The following CREBBP variants were observed in gnomAD, a reference collection of about 807,000 sequenced individuals.
CREBBP encodes the protein CREB binding lysine acetyltransferase.
CREBBP carries 19 observed loss-of-function variants against 265.0 expected under a neutral mutation model. The ratio of observed to expected loss-of-function variants is 0.07; its 90% CI spans 0.05 to 0.11. CREBBP has a LOEUF of 0.11. CREBBP is among the 10% of genes least tolerant of loss of function. The pLI, the probability that CREBBP is intolerant of heterozygous loss-of-function variation, is 1.00. For missense variants in CREBBP, 2,525 were observed against 3,219.0 expected (o/e 0.78, Z 5.22); for synonymous variants, 1,457 against 1,223.7 (o/e 1.19, Z -3.98).
At chr16:3,860,730 A>G (rs2055055308) in intron 1 of CREBBP, among the ~76,000 whole-genome samples, 1 of 152,190 alleles carries the variant, frequency 6.6e-6, no homozygotes, top group Non-Finnish European at 1.5e-5. Context: ...AGCATCCTGG[A>G]AAAGTTCACT....
chr16:3,853,304 G>A (rs921322800), intron 1 of CREBBP, among the ~76,000 whole-genome samples: 4 of 152,152 alleles, frequency 2.6e-5, no homozygotes, highest in South Asian at 2.1e-4. Flanking sequence ...TTTAATAAGC[G>A]GCTGTATAAT....
chr16:3,774,554 A>T lies in CREBBP; in HGVS notation c.2283+15T>A. On this transcript the variant is annotated intron_variant, in intron 12 of 30. Transcript: ENST00000262367. ...AGGGAGGGCTATCTGCAGCACAGCG[A>T]AAGAGAACACTTACCCCTGGCACTG... 6.2e-7 allele frequency: 1 copy of T among 1,614,052 alleles called. No individual in the cohort carries two copies. The highest frequency in any genetic ancestry group is 8.5e-7 in the Non-Finnish European group (1 of 1,180,032).
chr16:3,852,172 T>TG (rs1288170030), intron 1 of CREBBP, among the ~76,000 whole-genome samples: 2 of 115,508 alleles, frequency 1.7e-5, no homozygotes, highest in Non-Finnish European at 3.8e-5. Context: ...TTTTTTTTTT[T>TG]TTTTTTTTTT....
At chr16:3,840,286 T>C (rs2141447595) in intron 2 of CREBBP, among the ~76,000 whole-genome samples, 1 of 152,302 alleles carries the variant, frequency 6.6e-6, no homozygotes, top group Admixed American at 6.5e-5. Flanking sequence ...GGCATGATAG[T>C]TTCACACTTG....
At chr16:3,818,529 G>A (rs2054083011) in intron 2 of CREBBP, among the ~76,000 whole-genome samples, 1 of 152,006 alleles carries the variant, frequency 6.6e-6, no homozygotes. Flanking sequence ...AGACCACGTT[G>A]GCCAGGCTGG....
Position 3,770,717 on chromosome 16 carries a change from T to C in CREBBP, c.2733A>G (p.Gln911=), listed in dbSNP as rs1267554014. Reference sequence around the variant, plus strand: ...CCTGGACTGTAGGGGTGCTCTGGGTTTGGGTAGCACTGGGCACTGAGCCAG... The same window carrying C: ...CCTGGACTGTAGGGGTGCTCTGGGTCTGGGTAGCACTGGGCACTGAGCCAG... The part of the protein sequence containing the change: ...PTPGSVPSAT[Q]TQSTPTVQAA... Residue 911 remains glutamine, a synonymous_variant, in exon 14 of 31, where the codon CAA becomes CAG. Transcript: ENST00000262367. The C allele has an allele frequency of 1.9e-6, 3 of 1,613,906 alleles. No homozygotes were observed. The highest frequency in any genetic ancestry group is 2.5e-6 in the Non-Finnish European group (3 of 1,179,962).
At position 3,824,623 on chromosome 16, in the gene CREBBP, C is replaced by CG. The variant is rs2054203602; in HGVS notation, c.799-13845_799-13844insC. Among the ~76,000 whole-genome samples, 5 of 152,314 alleles carry CG rather than the reference C, an allele frequency of 3.3e-5. No individual in the cohort carries two copies. The South Asian group carries it at 1.0e-3, about 32-fold the overall frequency. On this transcript the variant is annotated intron_variant, in intron 2 of 30. Coordinates refer to ENST00000262367, the MANE Select transcript of CREBBP (RefSeq NM_004380.3). Reference sequence around the variant, plus strand: ...ATGGACTCAAGTCAAGAGTGATGGCCTCCCACCTCTGGCCACTCCCATCCC... The same window carrying CG: ...ATGGACTCAAGTCAAGAGTGATGGCCGTCCCACCTCTGGCCACTCCCATCCC...
At chr16:3,850,184 G>T in intron 2 of CREBBP, 113 bp downstream of exon 2, 2 of 1,001,812 alleles carry the variant, frequency 2.0e-6, no homozygotes, top group Non-Finnish European at 3.2e-6. Context: ...AGTGGCACGT[G>T]GAGAGCCCAA....
chr16:3,790,058 T>C (rs2053471465), intron 5 of CREBBP, among the ~76,000 whole-genome samples: 1 of 152,222 alleles, frequency 6.6e-6, no homozygotes, highest in African/African-American at 2.4e-5. Flanking sequence ...TTCTAGCTCA[T>C]TATTCATAGA....
intron 3 of CREBBP, among the ~76,000 whole-genome samples, chr16:3,802,714 G>A (rs541843791): frequency 2.0e-5 from 3 of 152,206 alleles, no homozygotes; most frequent in African/African-American, 7.2e-5. Context: ...GAAAGAACAA[G>A]GAAGGACAGT....
intron 5 of CREBBP, among the ~76,000 whole-genome samples, chr16:3,785,105 G>T (rs1488085635): frequency 6.6e-6 from 1 of 152,136 alleles, no homozygotes; most frequent in South Asian, 2.1e-4. Flanking sequence ...AATACTGAAG[G>T]GTAAGGGTGC....
At chr16:3,764,641 C>T (rs957891926) in intron 16 of CREBBP, among the ~76,000 whole-genome samples, 2 of 151,944 alleles carry the variant, frequency 1.3e-5, no homozygotes, top group Non-Finnish European at 2.9e-5. Context: ...TGGAGTCCAA[C>T]AGTGGCATCA....
chr16:3,832,314 C>G (rs2054359069), intron 2 of CREBBP, among the ~76,000 whole-genome samples: 1 of 152,054 alleles, frequency 6.6e-6, no homozygotes, highest in Admixed American at 6.6e-5. Flanking sequence ...GAACAATTCC[C>G]AGGTAACTTC....
intron 1 of CREBBP, among the ~76,000 whole-genome samples, chr16:3,863,720 G>C (rs912627355): frequency 1.3e-5 from 2 of 152,202 alleles, no homozygotes; most frequent in African/African-American, 4.8e-5. Flanking sequence ...GCACTTAGCA[G>C]TCACAGGGAA....
intron 12 of CREBBP, 120 bp downstream of exon 12, chr16:3,774,449 T>C: frequency 7.4e-7 from 1 of 1,356,104 alleles, no homozygotes. Flanking sequence ...AAATAAAGCA[T>C]AACCCAAATT....
At chr16:3,835,768 A>G (rs1015402080) in intron 2 of CREBBP, among the ~76,000 whole-genome samples, 4 of 151,508 alleles carry the variant, frequency 2.6e-5, no homozygotes, top group African/African-American at 9.7e-5. Flanking sequence ...TTTAGTAGAG[A>G]TGGGGGTTTC....
At position 3,728,602 on chromosome 16, in the gene CREBBP, C is replaced by T. The variant is rs147448293; in HGVS notation, c.6445G>A (p.Val2149Met). The change falls in exon 31 of 31, where the codon GTG becomes ATG. Residue 2149 changes from valine (V) to methionine (M), a missense_variant. By Grantham distance (21) the Val-to-Met change is conservative (BLOSUM62 1). Around this residue, in one of 19 missense-constraint regions of CREBBP, gnomAD observed 473 missense variants for 459.3 expected, o/e 1.03. Transcript: ENST00000262367. This position sits in a 1 kb window ranked among gnomAD's most constrained non-coding sequence, Gnocchi z 8.7. ...TGTGGAGGCACACCGGGCCGCGGCA[C>T]GCCAGCCTGCATGGCATTCAGGTTC... ...LQNLNAMQAGVPRPGVPPQQQ... is the reference protein window; with the variant it reads ...LQNLNAMQAGMPRPGVPPQQQ... 17 of 1,613,542 alleles carry T rather than the reference C, an allele frequency of 1.1e-5. No individual in the cohort carries two copies. Among genetic ancestry groups the T allele is most frequent in the East Asian group, 8.9e-5 (4 of 44,868 alleles).
At chr16:3,832,270 A>G (rs904032797) in intron 2 of CREBBP, among the ~76,000 whole-genome samples, 1 of 152,238 alleles carries the variant, frequency 6.6e-6, no homozygotes, top group Non-Finnish European at 1.5e-5. Flanking sequence ...ATGAATAAAT[A>G]ATACTAATCT....
At chr16:3,769,503 A>G (rs1379081783) in intron 14 of CREBBP, 150 bp from the exon 15 acceptor site, 4 of 967,454 alleles carry the variant, frequency 4.1e-6, no homozygotes, top group Non-Finnish European at 6.4e-6. Context: ...AACAGGGGTT[A>G]AAGTAGGAAT....
Sources: gnomAD v4.1 joint callset for allele counts (sites outside exome capture counted in the v4.1 genomes callset) on GRCh38, gnomAD v4.1.1 for gene constraint, gnomAD v4.1.1 regional missense constraint, Gnocchi (gnomAD v3.1) non-coding constraint, MANE v1.5 for transcripts, NCBI Gene and HGNC (gene_info 2026-07-23, HGNC 2026-07-21) for gene names.